The following PCDHGA4 variants were observed in gnomAD, a reference collection of about 807,000 sequenced individuals.
PCDHGA4 encodes protocadherin gamma subfamily A, 4, also known as protocadherin gamma-A4.
In PCDHGA4, 38 loss-of-function variants were observed where a neutral mutation model predicts 54.6. The observed-to-expected ratio is 0.70, with a 90% CI of 0.54 to 0.91. PCDHGA4 has a LOEUF of 0.91. PCDHGA4 is among the 40% of genes least tolerant of loss of function. PCDHGA4 has a pLI of 0.00. For missense variants in PCDHGA4, 1,298 were observed against 1,220.9 expected (o/e 1.06, Z -0.94); for synonymous variants, 511 against 512.9 (o/e 1.00, Z 0.05).
chr5:141,403,069 A>T (rs747569947), intron 1 of PCDHGA4: 10 of 1,613,954 alleles, frequency 6.2e-6, no homozygotes, highest in Non-Finnish European at 7.6e-6. Context: ...CTGAAGAGAC[A>T]GAAAAGGGCT....
chr5:141,455,817 A>G (rs1251279680), intron 1 of PCDHGA4, among the ~76,000 whole-genome samples: 3 of 151,882 alleles, frequency 2.0e-5, no homozygotes, highest in Non-Finnish European at 4.4e-5. Flanking sequence ...AAAACTTCCC[A>G]AGGACCCCTT....
rs756604175 is a variant in PCDHGA4 at position 141,375,747 on chromosome 5, A to C, written c.2514+18126A>C. 30 of 1,614,128 alleles carry C rather than the reference A, an allele frequency of 1.9e-5. No homozygotes were observed. The Admixed American group carries it at 5.0e-4, about 27-fold the overall frequency. ...TCACTGAGCCTGTTTGTGCTGGACC[A>C]GAATGACAATGCGCCCGAGATCCTG... is the stretch of plus-strand genomic sequence containing the variant. On this transcript the variant is annotated intron_variant, in intron 1 of 3. Transcript: ENST00000571252.
chr5:141,371,947 G>A (rs1208928523), intron 1 of PCDHGA4: 3 of 1,613,182 alleles, frequency 1.9e-6, no homozygotes, highest in Admixed American at 3.3e-5. Context: ...TTCGCGCAGC[G>A]AGCCTTCGAC....
chr5:141,388,379 C>T (rs901735153), intron 1 of PCDHGA4: 1 of 1,613,998 alleles, frequency 6.2e-7, no homozygotes, highest in South Asian at 1.1e-5. Flanking sequence ...TTGGTAGCAA[C>T]ACACTGCAGA....
At chr5:141,413,637 G>T in intron 1 of PCDHGA4, 8 of 1,613,888 alleles carry the variant, frequency 5.0e-6, no homozygotes, top group Non-Finnish European at 6.8e-6. Context: ...CTGCGGGAAT[G>T]CGTTTTCCTC....
chr5:141,508,714 G>A (rs775462794), intron 3 of PCDHGA4, among the ~76,000 whole-genome samples: 16 of 151,880 alleles, frequency 1.1e-4, no homozygotes, highest in Admixed American at 2.0e-4. Context: ...ATTCTTTTCT[G>A]TGTGCAGGGA....
intron 1 of PCDHGA4, chr5:141,393,596 G>T (rs775299518): frequency 1.2e-6 from 2 of 1,613,900 alleles, no homozygotes; most frequent in Non-Finnish European, 8.5e-7. Context: ...GCACGCGGCT[G>T]CTTACTGTAA....
chr5:141,491,291 C>A lies in PCDHGA4; in HGVS notation c.2515-3516C>A. The A allele has an allele frequency of 8.1e-6, 13 of 1,614,152 alleles. No individual in the cohort carries two copies. Among genetic ancestry groups the A allele is most frequent in the Non-Finnish European group, 1.1e-5 (13 of 1,179,974 alleles). On this transcript the variant is annotated intron_variant, in intron 1 of 3. Transcript: ENST00000571252. This position sits in a 1 kb window ranked among gnomAD's most constrained non-coding sequence, Gnocchi z 6.9. The stretch of plus-strand genomic sequence containing the variant: ...AAATCCAGTGACTTCCTCATACACC[C>A]TCCTGAGCGTTCAGACCTTACCCTT...
intron 1 of PCDHGA4, chr5:141,399,873 C>T (rs1331485851): frequency 1.9e-6 from 3 of 1,612,836 alleles, no homozygotes; most frequent in Non-Finnish European, 2.5e-6. Context: ...AGCCCGGCTA[C>T]CTGGTGACCA....
At chr5:141,393,624 G>A (rs1190793808) in intron 1 of PCDHGA4, 1 of 1,613,972 alleles carries the variant, frequency 6.2e-7, no homozygotes, top group Non-Finnish European at 8.5e-7. Flanking sequence ...CGACCCGGAT[G>A]AGGGAATCAA....
Position 141,366,924 on chromosome 5 carries a change from G to C in PCDHGA4, c.2514+9303G>C, listed in dbSNP as rs1764867617. On this transcript the variant is annotated intron_variant, in intron 1 of 3. Coordinates refer to ENST00000571252, the MANE Select transcript of PCDHGA4 (RefSeq NM_018917.4). ...CTTTCTCCATTTGTTTTCAAATTCT[G>C]TTTTGGGAAGTCTAGCTGATATCTG... is the stretch of plus-strand genomic sequence containing the variant. 5 of 997,638 alleles carry C rather than the reference G, an allele frequency of 5.0e-6. No homozygotes were observed. In the East Asian group the frequency reaches 1.3e-4, roughly 27 times the overall value. 61.8% of individuals were successfully genotyped at this position (997,638 alleles called of 1,614,324 possible).
rs544861406 is a variant in PCDHGA4, at chr5:141,356,918, C to G, written c.1811C>G (p.Thr604Ser). 6.6e-5 allele frequency: 107 copies of G among 1,614,210 alleles called. 2 individuals are homozygous for G. The Admixed American group carries it at 1.4e-3, about 21-fold the overall frequency. The change falls in exon 1 of 4, where the codon ACT (threonine) becomes AGT (serine). Residue 604 changes from threonine to serine, a missense_variant. Transcript: ENST00000571252. ...CCCACCTTCCCTACTGATGGCTCCA[C>G]TGGTGTGGAGCTGGCACCCCGCTCC... ...LYPTFPTDGSTGVELAPRSAD... is the reference protein window; with the variant it reads ...LYPTFPTDGSSGVELAPRSAD...
chr5:141,364,481 G>A, intron 1 of PCDHGA4: 2 of 1,614,028 alleles, frequency 1.2e-6, no homozygotes, highest in Non-Finnish European at 1.7e-6. Context: ...CATAGCCAAG[G>A]ACCTTGGGCT....
rs779792543 is a variant in PCDHGA4 at position 141,486,994 on chromosome 5, C to T, written c.2515-7813C>T. ...ATTCAGGTTACAATGCTTGGGTTTCCTATCAGCTCCTGGAGGCCCCAGATC... is the reference window on the plus strand; with the variant it reads ...ATTCAGGTTACAATGCTTGGGTTTCTTATCAGCTCCTGGAGGCCCCAGATC... On this transcript the variant is annotated intron_variant, in intron 1 of 3. Coordinates refer to ENST00000571252, the MANE Select transcript of PCDHGA4 (RefSeq NM_018917.4). This position sits in a 1 kb window ranked among gnomAD's most constrained non-coding sequence, Gnocchi z 5.0. The T allele has an allele frequency of 6.2e-7, 1 of 1,614,214 alleles. No individual in the cohort carries two copies. The highest frequency in any genetic ancestry group is 8.5e-7 in the Non-Finnish European group (1 of 1,180,034).
chr5:141,426,363 C>T (rs994657779), intron 1 of PCDHGA4: 12 of 202,404 alleles, frequency 5.9e-5, no homozygotes, highest in East Asian at 4.4e-4. Context: ...CTTTGTTCTG[C>T]GGGGCACCCT....
At chr5:141,425,827 T>C (rs2096896512) in intron 1 of PCDHGA4, among the ~76,000 whole-genome samples, 1 of 152,226 alleles carries the variant, frequency 6.6e-6, no homozygotes, top group South Asian at 2.1e-4. Context: ...AAACAAACTT[T>C]TAAATTCTCT....
chr5:141,487,256 G>A lies in PCDHGA4; in HGVS notation c.2515-7551G>A. ...ATCTCGTCTAACCCTCTACTTGGCTGTGTCCCTAGTGGCAATTTGCTTTGT... is the reference window on the plus strand; with the variant it reads ...ATCTCGTCTAACCCTCTACTTGGCTATGTCCCTAGTGGCAATTTGCTTTGT... On this transcript the variant is annotated intron_variant, in intron 1 of 3. Transcript: ENST00000571252. The surrounding 1 kb of genome is among the most constrained non-coding windows in gnomAD (Gnocchi z 5.0). The A allele has an allele frequency of 6.2e-7, 1 of 1,614,166 alleles. No individual in the cohort carries two copies. The highest frequency in any genetic ancestry group is 8.5e-7 in the Non-Finnish European group (1 of 1,180,032).
intron 1 of PCDHGA4, chr5:141,399,034 C>T: frequency 6.2e-7 from 1 of 1,613,796 alleles, no homozygotes; most frequent in Non-Finnish European, 8.5e-7. Context: ...TCAAAAGAAA[C>T]TGGATTTTGA....
rs371499368 is a variant in PCDHGA4 at position 141,414,269 on chromosome 5, C to T, written c.2514+56648C>T. The stretch of plus-strand genomic sequence containing the variant: ...TTTAGTCCAGTGACTGAAGATTCAC[C>T]TCTGGGAACAGTCGTAGCCCTTTTA... On this transcript the variant is annotated intron_variant, in intron 1 of 3. Coordinates refer to ENST00000571252, the MANE Select transcript of PCDHGA4 (RefSeq NM_018917.4). 8.1e-6 allele frequency: 13 copies of T among 1,613,266 alleles called. No homozygotes were observed. The African/African-American group carries it at 1.6e-4, about 20-fold the overall frequency.
Sources: allele counts gnomAD v4.1 joint callset (sites outside exome capture counted in the v4.1 genomes callset), GRCh38; gene constraint gnomAD v4.1.1; non-coding constraint Gnocchi (gnomAD v3.1); transcripts MANE v1.5; gene names NCBI Gene and HGNC (gene_info 2026-07-23, HGNC 2026-07-21).